Variants in CHSY3 observed in about 807,000 individuals in gnomAD.
CHSY3 encodes chondroitin sulfate synthase 3.
In CHSY3, 35 loss-of-function variants were observed where a neutral mutation model predicts 67.2. The observed-to-expected ratio is 0.52, with a 90% confidence interval of 0.40 to 0.69. The LOEUF (loss-of-function observed/expected upper bound fraction) is 0.69, where lower values mean the gene tolerates loss of function less well. Ranked by LOEUF, CHSY3 falls within the 30% of genes least tolerant of loss-of-function variation. The probability of loss-of-function intolerance (pLI) is 0.00; values close to 1 mark genes in which losing one functional copy is unlikely to be tolerated. For synonymous variants in CHSY3, 474 were observed against 434.7 expected (o/e 1.09, Z -1.12); for missense variants, 1,069 against 1,138.5 (o/e 0.94, Z 0.88).
chr5:129,985,058 A>G (rs551255579), intron 2 of CHSY3, among the ~76,000 whole-genome samples: 23 of 152,078 alleles, frequency 1.5e-4, no homozygotes, highest in Non-Finnish European at 3.2e-4. Context: ...TGGTTTTGTT[A>G]CAATTGCTGT....
At chr5:130,021,250 G>A (rs1195629383) in intron 2 of CHSY3, among the ~76,000 whole-genome samples, 1 of 152,048 alleles carries the variant, frequency 6.6e-6, no homozygotes, top group East Asian at 1.9e-4. Flanking sequence ...GGTTAATATT[G>A]CACTAAGAAA....
At chr5:129,986,153 G>T (rs1219285059) in intron 2 of CHSY3, among the ~76,000 whole-genome samples, 1 of 152,134 alleles carries the variant, frequency 6.6e-6, no homozygotes. Context: ...TATGCTGTTG[G>T]CTGTGGTTTT....
intron 2 of CHSY3, among the ~76,000 whole-genome samples, chr5:130,115,158 A>G (rs1435180708): frequency 1.3e-5 from 2 of 151,992 alleles, no homozygotes; most frequent in African/African-American, 4.8e-5. Flanking sequence ...AGATTGAAAG[A>G]TTACAGTATG....
chr5:130,151,534 A>G lies in CHSY3; in HGVS notation c.1087-32695A>G, dbSNP rs140476489. 5.3e-5 allele frequency among the ~76,000 whole-genome samples: 8 copies of G among 152,308 alleles called. No homozygotes were observed. The East Asian group carries it at 9.7e-4, about 18-fold the overall frequency. ...TGTGTTAGCCTGTTCTCTTGCTGCT[A>G]TGAAGATATACCCCAGACTGAGTAA... On this transcript the variant is annotated intron_variant, in intron 2 of 2. Transcript: ENST00000305031.
chr5:129,974,858 AG>A (rs1176339343), intron 2 of CHSY3: 1 of 152,126 alleles, frequency 6.6e-6, no homozygotes, highest in Non-Finnish European at 1.5e-5. Context: ...AGTGTAGAGA[AG>A]TAACATTAAT....
intron 2 of CHSY3, among the ~76,000 whole-genome samples, chr5:129,952,270 C>A (rs1357906659): frequency 6.6e-6 from 1 of 152,088 alleles, no homozygotes; most frequent in Non-Finnish European, 1.5e-5. Flanking sequence ...GAGTGGTAAG[C>A]AGTATCAAGT....
chr5:129,994,194 A>C (rs1381113005), intron 2 of CHSY3, among the ~76,000 whole-genome samples: 2 of 151,862 alleles, frequency 1.3e-5, no homozygotes, highest in Admixed American at 6.6e-5. Flanking sequence ...TGTGTCTTGG[A>C]GTTGCTCTTC....
At position 130,081,932 on chromosome 5, in the gene CHSY3, A is replaced by G. The variant is rs2149687054; in HGVS notation, c.1087-102297A>G. On this transcript the variant is annotated intron_variant, in intron 2 of 2. Transcript: ENST00000305031. ...TTTTAAATATCTGTCTCAAAGATTT[A>G]ACAGAGGAATTAAGGAATGTTATTT... Among the ~76,000 whole-genome samples, 3 of 152,258 alleles carry G rather than the reference A, an allele frequency of 2.0e-5. No individual in the cohort carries two copies. In the South Asian group the frequency reaches 6.2e-4, roughly 32 times the overall value.
At chr5:129,942,937 T>C (rs755588279) in intron 2 of CHSY3, among the ~76,000 whole-genome samples, 3 of 152,328 alleles carry the variant, frequency 2.0e-5, no homozygotes, top group South Asian at 2.1e-4. Context: ...TAGAGTGTTT[T>C]CTTGGATGTA....
At chr5:130,164,671 C>T (rs1419681043) in intron 2 of CHSY3, among the ~76,000 whole-genome samples, 1 of 151,864 alleles carries the variant, frequency 6.6e-6, no homozygotes, top group Non-Finnish European at 1.5e-5. Context: ...ACAGCTCTGC[C>T]CTGCACCATT....
At chr5:129,914,063 A>G (rs767160699) in intron 2 of CHSY3, among the ~76,000 whole-genome samples, 2 of 152,178 alleles carry the variant, frequency 1.3e-5, no homozygotes, top group East Asian at 3.8e-4. Context: ...TATCTGTGTT[A>G]TTCTTATAGG....
intron 2 of CHSY3, among the ~76,000 whole-genome samples, chr5:129,910,884 C>CT (rs1353114435): frequency 1.3e-5 from 2 of 151,780 alleles, no homozygotes; most frequent in African/African-American, 2.4e-5. Context: ...TTGATCATTA[C>CT]TTTTTTTCCC....
chr5:130,176,567 A>G (rs1770058441), intron 2 of CHSY3, among the ~76,000 whole-genome samples: 1 of 152,196 alleles, frequency 6.6e-6, no homozygotes, highest in Non-Finnish European at 1.5e-5. Context: ...AGTACTATTC[A>G]CAATAGCAGA....
chr5:130,058,674 G>T (rs1046456483), intron 2 of CHSY3, among the ~76,000 whole-genome samples: 6 of 152,166 alleles, frequency 3.9e-5, no homozygotes, highest in African/African-American at 1.4e-4. Flanking sequence ...AAAAGTATAA[G>T]GAACATATTA....
At position 130,092,793 on chromosome 5, in the gene CHSY3, A is replaced by G. The variant is rs555416107; in HGVS notation, c.1087-91436A>G. On this transcript the variant is annotated intron_variant, in intron 2 of 2. Coordinates refer to ENST00000305031, the MANE Select transcript of CHSY3 (RefSeq NM_175856.5). ...AGTCTCATATCCATCTCCCTGACCA[A>G]CTAAAATTCAGGGTTTATATACCAG... Among the ~76,000 whole-genome samples the G allele has an allele frequency of 2.6e-5, 4 of 152,334 alleles. No individual in the cohort carries two copies. In the South Asian group the frequency reaches 6.2e-4, roughly 24 times the overall value.
intron 1 of CHSY3, among the ~76,000 whole-genome samples, chr5:129,907,562 A>G (rs568929596): frequency 7.8e-4 from 119 of 152,304 alleles, no homozygotes; most frequent in Non-Finnish European, 1.5e-3. Flanking sequence ...GCCTTCCCAA[A>G]TTAAATTTCA....
Position 129,940,531 on chromosome 5 carries a change from A to G in CHSY3, c.1086+32171A>G, listed in dbSNP as rs192333279. Among the ~76,000 whole-genome samples the G allele has an allele frequency of 3.0e-3, 451 of 152,318 alleles. 3 individuals carry two copies. The highest frequency in any genetic ancestry group is 0.01 in the African/African-American group (435 of 41,588). On this transcript the variant is annotated intron_variant, in intron 2 of 2. Transcript: ENST00000305031. ...AATCTACACATTAGTAATTTAATGT[A>G]GATTCCTAAATATGTAAAAATATGC...
intron 2 of CHSY3, among the ~76,000 whole-genome samples, chr5:130,072,270 C>G (rs928893713): frequency 6.6e-6 from 1 of 152,034 alleles, no homozygotes; most frequent in African/African-American, 2.4e-5. Context: ...CTCCTTATAG[C>G]TTTACAGTTT....
intron 2 of CHSY3, among the ~76,000 whole-genome samples, chr5:130,146,350 C>T (rs1769073422): frequency 6.6e-6 from 1 of 152,022 alleles, no homozygotes; most frequent in African/African-American, 2.4e-5. Flanking sequence ...AAGCAAGCTA[C>T]AGAAAGACAA....
Sources: gnomAD v4.1 joint callset for allele counts (sites outside exome capture counted in the v4.1 genomes callset) on GRCh38, gnomAD v4.1.1 for gene constraint, MANE v1.5 for transcripts, NCBI Gene and HGNC (gene_info 2026-07-23, HGNC 2026-07-21) for gene names.